The following SND1 variants were observed in gnomAD, a reference collection of about 807,000 sequenced individuals.
SND1 encodes the protein staphylococcal nuclease and tudor domain containing 1, also known as staphylococcal nuclease domain-containing protein 1.
SND1 carries 38 observed loss-of-function variants against 121.7 expected under a neutral mutation model. The observed-to-expected ratio is 0.31, with a 90% CI of 0.24 to 0.41. The LOEUF is 0.41. Among genes scored for constraint, SND1 ranks in the 10% least tolerant of loss-of-function variants. The pLI, the probability that SND1 is intolerant of heterozygous loss-of-function variation, is 1.00. For synonymous variants in SND1, 401 were observed against 447.4 expected (o/e 0.90, Z 1.31); for missense variants, 868 against 1,184.6 (o/e 0.73, Z 3.92).
chr7:128,024,403 T>C (rs564279648), intron 16 of SND1, among the ~76,000 whole-genome samples: 5 of 152,350 alleles, frequency 3.3e-5, no homozygotes, highest in African/African-American at 1.2e-4. Context: ...CTCTCTCTTC[T>C]AATTTTAAGC....
At chr7:127,984,292 G>A (rs1802335244) in intron 15 of SND1, among the ~76,000 whole-genome samples, 1 of 152,240 alleles carries the variant, frequency 6.6e-6, no homozygotes, top group African/African-American at 2.4e-5. Flanking sequence ...CTTCAACTCT[G>A]TAGTTAAACC....
intron 11 of SND1, among the ~76,000 whole-genome samples, chr7:127,830,159 G>T (rs1350029958): frequency 6.6e-6 from 1 of 152,166 alleles, no homozygotes; most frequent in East Asian, 1.9e-4. Flanking sequence ...GAGGTGGGTG[G>T]ATCACATGAG....
At chr7:128,055,226 C>T (rs76563175) in intron 16 of SND1, among the ~76,000 whole-genome samples, 1,961 of 152,246 alleles carry the variant, frequency 0.013, 25 homozygotes, top group South Asian at 0.034. Context: ...GTTCTTTCAG[C>T]CTTACCTTCT....
intron 14 of SND1, among the ~76,000 whole-genome samples, chr7:127,918,833 A>G (rs981560639): frequency 6.6e-6 from 1 of 152,242 alleles, no homozygotes; most frequent in Non-Finnish European, 1.5e-5. Flanking sequence ...AGGCCAAAGA[A>G]TAGCATATAT....
chr7:127,787,418 G>T (rs919314600), intron 10 of SND1, among the ~76,000 whole-genome samples: 30 of 152,074 alleles, frequency 2.0e-4, no homozygotes, highest in African/African-American at 7.2e-4. Context: ...AATTTTCATT[G>T]TAAAGTCAAG....
Position 127,766,771 on chromosome 7 carries a change from CAAAAAAAAAAAAAAAAAAA to C in SND1, c.1153-40701_1153-40683del, listed in dbSNP as rs59243807. 4.5e-4 allele frequency among the ~76,000 whole-genome samples: 15 copies of C among 33,212 alleles called. No homozygotes were observed. In the East Asian group the frequency reaches 8.8e-3, roughly 19 times the overall value. 21.8% of individuals were successfully genotyped at this position (33,212 alleles called of 152,430 possible). ...TGGGTGACAAAGCGAGACTTTGTCTCAAAAAAAAAAAAAAAAAAAAAAAAAAAAAATAGTTTTTTTCTTA... is the reference window on the plus strand; with the variant it reads ...TGGGTGACAAAGCGAGACTTTGTCTCAAAAAAAAAAATAGTTTTTTTCTTA... On this transcript the variant is annotated intron_variant, in intron 10 of 23. Coordinates refer to ENST00000354725, the MANE Select transcript of SND1 (RefSeq NM_014390.4).
intron 14 of SND1, among the ~76,000 whole-genome samples, chr7:127,919,994 C>G (rs1338424935): frequency 6.6e-6 from 1 of 152,160 alleles, no homozygotes; most frequent in Non-Finnish European, 1.5e-5. Context: ...TTCTGAACCA[C>G]TATCTCTTAT....
intron 10 of SND1, among the ~76,000 whole-genome samples, chr7:127,785,064 A>G (rs1410052418): frequency 6.6e-6 from 1 of 152,188 alleles, no homozygotes; most frequent in Non-Finnish European, 1.5e-5. Flanking sequence ...CTGGGACTAC[A>G]GGGACACAGC....
intron 16 of SND1, among the ~76,000 whole-genome samples, chr7:128,033,892 C>T (rs1319234731): frequency 6.6e-6 from 1 of 152,182 alleles, no homozygotes; most frequent in Non-Finnish European, 1.5e-5. Context: ...TTTCATTCAT[C>T]CACTTCAATA....
intron 15 of SND1, among the ~76,000 whole-genome samples, chr7:127,936,534 T>A (rs991918735): frequency 6.6e-6 from 1 of 152,182 alleles, no homozygotes; most frequent in African/African-American, 2.4e-5. Flanking sequence ...TTTTTTACTT[T>A]CTTTTTCTTT....
intron 14 of SND1, among the ~76,000 whole-genome samples, chr7:127,917,802 T>G (rs1230005055): frequency 6.6e-6 from 1 of 152,218 alleles, no homozygotes; most frequent in African/African-American, 2.4e-5. Flanking sequence ...TTAAATCTGT[T>G]TTTGATGGAA....
chr7:127,661,575 C>T (rs1477551737), intron 1 of SND1, among the ~76,000 whole-genome samples: 1 of 152,094 alleles, frequency 6.6e-6, no homozygotes, highest in Non-Finnish European at 1.5e-5. Flanking sequence ...TCTTTATATT[C>T]CACTAGCTTG....
At chr7:127,794,764 T>C (rs1797983957) in intron 10 of SND1, among the ~76,000 whole-genome samples, 1 of 152,220 alleles carries the variant, frequency 6.6e-6, no homozygotes, top group South Asian at 2.1e-4. Context: ...TCTGAGGGCA[T>C]TGGCTCTCCA....
Position 127,721,299 on chromosome 7 carries a change from C to G in SND1, c.1051C>G (p.Leu351Val). ...KQFVAKVMQV[L>V]NADAIVVKLN... is the part of the protein sequence containing the mutation. ...TTTTTGCTCACAGGTGATGCAGGTT[C>G]TGAATGCTGATGCCATTGTTGTGAA... Residue 351 changes from leucine to valine, a missense_variant, in exon 10 of 24, where the codon CTG becomes GTG. By Grantham distance (32) the Leu-to-Val change is conservative. This residue lies in a region of SND1 where 743 missense variants were observed against 1,071.3 expected (regional missense o/e 0.69). Coordinates refer to ENST00000354725, the MANE Select transcript of SND1 (RefSeq NM_014390.4). 6.2e-7 allele frequency: 1 copy of G among 1,613,416 alleles called. No individual in the cohort carries two copies. The highest frequency in any genetic ancestry group is 8.5e-7 in the Non-Finnish European group (1 of 1,179,614).
chr7:127,745,195 T>G (rs1376646054), intron 10 of SND1, among the ~76,000 whole-genome samples: 1 of 152,162 alleles, frequency 6.6e-6, no homozygotes, highest in Non-Finnish European at 1.5e-5. Flanking sequence ...CAAACCTAGG[T>G]AGTATGGCTT....
At chr7:127,990,450 G>A (rs1440076014) in intron 15 of SND1, among the ~76,000 whole-genome samples, 2 of 152,142 alleles carry the variant, frequency 1.3e-5, no homozygotes, top group African/African-American at 4.8e-5. Flanking sequence ...CTTATTTGAA[G>A]AGAAAAGTGA....
intron 6 of SND1, 84 bp downstream of exon 6, chr7:127,702,610 C>A: frequency 9.2e-7 from 1 of 1,090,554 alleles, no homozygotes; most frequent in Non-Finnish European, 1.4e-6. Flanking sequence ...GACTTCGGAT[C>A]TGCTGTTTCT....
At chr7:127,906,232 A>G (rs1800335775) in intron 14 of SND1, among the ~76,000 whole-genome samples, 1 of 152,156 alleles carries the variant, frequency 6.6e-6, no homozygotes, top group Admixed American at 6.5e-5. Context: ...GTGGCTTAGA[A>G]TCCTGAGAAG....
At chr7:127,966,295 G>A (rs371313286) in intron 15 of SND1, among the ~76,000 whole-genome samples, 3 of 150,700 alleles carry the variant, frequency 2.0e-5, no homozygotes, top group South Asian at 2.1e-4. Flanking sequence ...ACAGATCAAC[G>A]AGACAGAAAG....
Sources: gnomAD v4.1 joint callset for allele counts (sites outside exome capture counted in the v4.1 genomes callset) on GRCh38, gnomAD v4.1.1 for gene constraint, gnomAD v4.1.1 regional missense constraint, MANE v1.5 for transcripts, NCBI Gene and HGNC (gene_info 2026-07-23, HGNC 2026-07-21) for gene names.